Variants in CELF6 observed in about 807,000 individuals in gnomAD.
CELF6 encodes Bruno -like 6, RNA binding protein.
In CELF6, 32 loss-of-function variants were observed where a neutral mutation model predicts 53.1. The observed-to-expected ratio is 0.60, with a 90% CI of 0.46 to 0.81. The LOEUF (loss-of-function observed/expected upper bound fraction) is 0.81. CELF6 is among the 30% of genes least tolerant of loss of function. CELF6 has a pLI of 0.00. For synonymous variants in CELF6, 291 were observed against 288.8 expected, an observed-to-expected ratio of 1.01 and a Z score of -0.08; for missense variants, 539 against 669.5, an observed-to-expected ratio of 0.81 and a Z score of 2.15.
At chr15:72,307,227 G>A (rs1393485806) in intron 2 of CELF6, among the ~76,000 whole-genome samples, 2 of 152,032 alleles carry the variant, frequency 1.3e-5, no homozygotes, top group African/African-American at 2.4e-5. Flanking sequence ...GGTGCTCTGG[G>A]GGACGCCACC....
chr15:72,319,476 G>A lies in CELF6; in HGVS notation c.262+137C>T. ...AGAGAAAATTCTGTGATCTGGGAAG[G>A]GGGCTGGGCTGAGGTGGGGCTGATA... On this transcript the variant is annotated intron_variant, in intron 1 of 12. Transcript: ENST00000287202. This position sits in a 1 kb window ranked among gnomAD's most constrained non-coding sequence, Gnocchi z 5.0. 6.5e-6 allele frequency: 6 copies of A among 920,644 alleles called. 2 individuals are homozygous for A. In the South Asian group the frequency reaches 1.1e-4, roughly 17 times the overall value. The allele number at this position is 920,644 out of a possible 1,614,324, so 57.0% of individuals were successfully genotyped here.
chr15:72,315,899 C>G lies in CELF6; in HGVS notation c.291G>C (p.Arg97=), dbSNP rs1211216418. The G allele has an allele frequency of 6.2e-7, 1 of 1,608,260 alleles. No individual in the cohort carries two copies. The highest frequency in any genetic ancestry group is 1.3e-5 in the African/African-American group (1 of 74,956). Reference sequence around the variant, plus strand: ...CACTCTGGGCCTTGAGAGCAGAGTCCCGGGCGCAGTAGGTGAGGAAGGCAC... The same window carrying G: ...CACTCTGGGCCTTGAGAGCAGAGTCGCGGGCGCAGTAGGTGAGGAAGGCAC... ...KGCAFLTYCA[R]DSALKAQSAL... The change falls in exon 2 of 13, where the codon CGG becomes CGC. Residue 97 remains arginine, a synonymous_variant. Transcript: ENST00000287202.
At position 72,287,635 on chromosome 15, in the gene CELF6, T is replaced by C. The variant is rs184406722; in HGVS notation, c.1319-243A>G. 2.6e-5 allele frequency among the ~76,000 whole-genome samples: 4 copies of C among 152,200 alleles called. No individual in the cohort carries two copies. In the East Asian group the frequency reaches 7.7e-4, roughly 29 times the overall value. Reference sequence around the variant, plus strand: ...GGGTCAGTGTGTTGATTTGGATGTTTCCGTGTTTTTCCTGGCATGGGTTGG... The same window carrying C: ...GGGTCAGTGTGTTGATTTGGATGTTCCCGTGTTTTTCCTGGCATGGGTTGG... On this transcript the variant is annotated intron_variant, in intron 11 of 12. Coordinates refer to ENST00000287202, the MANE Select transcript of CELF6 (RefSeq NM_052840.5).
chr15:72,293,025 T>TA (rs2088026792), intron 3 of CELF6, among the ~76,000 whole-genome samples: 1 of 152,114 alleles, frequency 6.6e-6, no homozygotes, highest in Non-Finnish European at 1.5e-5. Flanking sequence ...AGACTCCAAC[T>TA]AAAAAAATTT....
intron 3 of CELF6, among the ~76,000 whole-genome samples, chr15:72,297,357 C>T (rs527825161): frequency 6.6e-6 from 1 of 151,280 alleles, no homozygotes; most frequent in South Asian, 2.1e-4. Context: ...CTATGAGCTC[C>T]ACTTTTTTAG....
At chr15:72,301,781 G>A (rs373401204) in intron 3 of CELF6, among the ~76,000 whole-genome samples, 2 of 135,320 alleles carry the variant, frequency 1.5e-5, no homozygotes, top group African/African-American at 5.4e-5. Context: ...CTGTCACCCA[G>A]GCTGGAGTGC....
intron 3 of CELF6, among the ~76,000 whole-genome samples, chr15:72,303,669 T>C (rs1280339325): frequency 3.3e-5 from 5 of 152,096 alleles, no homozygotes; most frequent in Non-Finnish European, 7.4e-5. Flanking sequence ...TTACCCAAGA[T>C]AAAGAGTCAG....
In CELF6 at chr15:72,319,709, C is replaced by G. The variant is rs1194942380; in HGVS notation, c.166G>C (p.Gly56Arg). 1.9e-6 allele frequency: 3 copies of G among 1,597,284 alleles called. No individual in the cohort carries two copies. Among genetic ancestry groups the G allele is most frequent in the Non-Finnish European group, 8.5e-7 (1 of 1,171,976 alleles). The change falls in exon 1 of 13, where the codon GGC becomes CGC. Residue 56 changes from glycine to arginine, a missense_variant. Physicochemically the swap from Gly to Arg is moderately radical, Grantham distance 125. This residue lies in a region of CELF6 where 84 missense variants were observed against 87.9 expected (regional missense o/e 0.96). Coordinates refer to ENST00000287202, the MANE Select transcript of CELF6 (RefSeq NM_052840.5). This position sits in a 1 kb window ranked among gnomAD's most constrained non-coding sequence, Gnocchi z 5.0. ...IKLFVGQIPRGLDEQDLKPLF... is the reference protein window; with the variant it reads ...IKLFVGQIPRRLDEQDLKPLF... ...GGCTTGAGGTCCTGCTCGTCCAAGC[C>G]CCGCGGGATCTGCCCCACGAAGAGC... is the stretch of plus-strand genomic sequence containing the variant.
intron 2 of CELF6, among the ~76,000 whole-genome samples, chr15:72,307,302 T>A (rs918979228): frequency 5.3e-5 from 8 of 152,050 alleles, no homozygotes; most frequent in Admixed American, 3.3e-4. Context: ...TACATACATG[T>A]TCCCCCCTGG....
At chr15:72,313,140 G>A (rs1418981916) in intron 2 of CELF6, among the ~76,000 whole-genome samples, 1 of 152,142 alleles carries the variant, frequency 6.6e-6, no homozygotes, top group African/African-American at 2.4e-5. Context: ...CTGCTACCTG[G>A]TTGTCTCAGG....
intron 12 of CELF6, 77 bp downstream of exon 12, chr15:72,287,160 C>A: frequency 7.1e-7 from 1 of 1,418,022 alleles, no homozygotes; most frequent in East Asian, 2.3e-5. Context: ...CCTCCAAGGT[C>A]CCAAAAGGAG....
chr15:72,286,423 G>C (rs1380594022), intron 12 of CELF6, 81 bp from the exon 13 acceptor site: 1 of 152,676 alleles, frequency 6.5e-6, no homozygotes, highest in Non-Finnish European at 1.5e-5. Flanking sequence ...CAGAAGAGCA[G>C]CTTGCCCCCA....
intron 3 of CELF6, among the ~76,000 whole-genome samples, chr15:72,291,162 C>T (rs1248632879): frequency 6.6e-6 from 1 of 152,204 alleles, no homozygotes; most frequent in African/African-American, 2.4e-5. Context: ...TGTGTCCACC[C>T]TTTCTATGGG....
intron 3 of CELF6, among the ~76,000 whole-genome samples, chr15:72,304,162 T>C (rs2008817): frequency 0.97 from 147,886 of 152,206 alleles, 71,996 homozygotes; most frequent in East Asian, 1. Context: ...TGAGCCACCG[T>C]GCTCAGCCCA....
intron 3 of CELF6, among the ~76,000 whole-genome samples, chr15:72,303,750 G>A (rs566951408): frequency 6.6e-6 from 1 of 152,266 alleles, no homozygotes; most frequent in South Asian, 2.1e-4. Flanking sequence ...AAAACACCAA[G>A]AACTGACACC....
At chr15:72,313,716 A>G in intron 2 of CELF6, 4 of 967,792 alleles carry the variant, frequency 4.1e-6, no homozygotes, top group Non-Finnish European at 4.9e-6. Context: ...ATGGAATGTT[A>G]CAGCTTGTCT....
chr15:72,293,540 A>G (rs1434260729), intron 3 of CELF6, among the ~76,000 whole-genome samples: 1 of 152,228 alleles, frequency 6.6e-6, no homozygotes, highest in East Asian at 1.9e-4. Flanking sequence ...AGATGGGAAT[A>G]TCAAACATGG....
chr15:72,319,833 G>C lies in CELF6; in HGVS notation c.42C>G (p.Pro14=). 1 of 1,546,726 alleles carries C rather than the reference G, an allele frequency of 6.5e-7. No individual in the cohort carries two copies. Residue 14 remains proline, a synonymous_variant, in exon 1 of 13, where the codon CCC becomes CCG. Coordinates refer to ENST00000287202, the MANE Select transcript of CELF6 (RefSeq NM_052840.5). This position sits in a 1 kb window ranked among gnomAD's most constrained non-coding sequence, Gnocchi z 5.0. ...APGGSAQPAG[P]GPRLGFSTAD... The stretch of plus-strand genomic sequence containing the variant: ...CGGTGCTGAAACCCAGGCGCGGGCC[G>C]GGGCCAGCGGGCTGCGCTGACCCTC...
rs1218792496 is a variant in CELF6 at position 72,289,616 on chromosome 15, C to T, written c.747+11G>A. The stretch of plus-strand genomic sequence containing the variant: ...CCTGCGCGCCCTCGCACGCAGGTGC[C>T]CGGTACCTACCGCCGTGGTGTAGGC... On this transcript the variant is annotated intron_variant, in intron 6 of 12. Transcript: ENST00000287202. The surrounding 1 kb of genome is among the most constrained non-coding windows in gnomAD (Gnocchi z 7.6). 4 of 1,500,270 alleles carry T rather than the reference C, an allele frequency of 2.7e-6. No individual in the cohort carries two copies. Among genetic ancestry groups the T allele is most frequent in the Non-Finnish European group, 3.5e-6 (4 of 1,133,062 alleles). The allele number at this position is 1,500,270 out of a possible 1,614,324, so 92.9% of individuals were successfully genotyped here. A position where few individuals can be genotyped will look rare whatever the true frequency, so the allele number is the denominator to read the frequency against.
Sources: allele counts gnomAD v4.1 joint callset (sites outside exome capture counted in the v4.1 genomes callset), GRCh38; gene constraint gnomAD v4.1.1; regional missense constraint gnomAD v4.1.1; non-coding constraint Gnocchi (gnomAD v3.1); transcripts MANE v1.5; gene names NCBI Gene and HGNC (gene_info 2026-07-23, HGNC 2026-07-21).